Variants in SLC6A2 observed in about 807,000 individuals in gnomAD.
SLC6A2 encodes solute carrier family 6 member 2.
In SLC6A2, 26 loss-of-function variants were observed where a neutral mutation model predicts 71.7. That is an observed-to-expected ratio of 0.36 (90% CI 0.27 to 0.50). The LOEUF (loss-of-function observed/expected upper bound fraction) is 0.50, where lower values mean the gene tolerates loss of function less well. Among genes scored for constraint, SLC6A2 ranks in the 20% least tolerant of loss-of-function variants. The pLI is 0.96. For missense variants in SLC6A2, 581 were observed against 803.9 expected, an observed-to-expected ratio of 0.72 and a Z score of 3.35; for synonymous variants, 363 against 337.9, an observed-to-expected ratio of 1.07 and a Z score of -0.82.
intron 11 of SLC6A2, 48 bp downstream of exon 11, chr16:55,698,616 C>A (rs780931440): frequency 7.5e-7 from 1 of 1,339,452 alleles, no homozygotes; most frequent in South Asian, 1.2e-5. Flanking sequence ...TCCTAGAATC[C>A]TGCACCTGGA....
chr16:55,691,419 A>C (rs890966023), intron 5 of SLC6A2, among the ~76,000 whole-genome samples: 11 of 152,192 alleles, frequency 7.2e-5, no homozygotes, highest in Non-Finnish European at 1.2e-4. Flanking sequence ...TTCATGAACC[A>C]CGCCTTGATC....
intron 5 of SLC6A2, among the ~76,000 whole-genome samples, chr16:55,686,650 AT>A (rs1174366175): frequency 4.6e-5 from 7 of 152,312 alleles, no homozygotes; most frequent in African/African-American, 1.7e-4. Flanking sequence ...GTTCTTGGTC[AT>A]GCCATTGAGA....
At position 55,656,875 on chromosome 16, in the gene SLC6A2, A is replaced by C; in HGVS notation, c.181A>C (p.Lys61Gln). Residue 61 changes from lysine (K) to glutamine (Q), a missense_variant, in exon 2 of 15, where the codon AAG (lysine) becomes CAG (glutamine). Around this residue, in one of 5 missense-constraint regions of SLC6A2, gnomAD observed 81 missense variants for 152.4 expected, o/e 0.53. Coordinates refer to ENST00000568943, the MANE Select transcript of SLC6A2 (RefSeq NM_001172501.3). This position sits in a 1 kb window ranked among gnomAD's most constrained non-coding sequence, Gnocchi z 4.5. ...CGCGCAGCCCCGGGAGACCTGGGGC[A>C]AGAAGATCGACTTCCTGCTGTCCGT... ...GDAQPRETWGKKIDFLLSVVG... is the reference protein window; with the variant it reads ...GDAQPRETWGQKIDFLLSVVG... The C allele has an allele frequency of 6.2e-7, 1 of 1,613,986 alleles. No homozygotes were observed. Among genetic ancestry groups the C allele is most frequent in the Non-Finnish European group, 8.5e-7 (1 of 1,179,936 alleles).
chr16:55,665,026 TG>T (rs1964710805), intron 2 of SLC6A2, among the ~76,000 whole-genome samples: 1 of 151,740 alleles, frequency 6.6e-6, no homozygotes, highest in Non-Finnish European at 1.5e-5. Context: ...CTGCGGGAGG[TG>T]GGGGTGTCTG....
intron 5 of SLC6A2, among the ~76,000 whole-genome samples, chr16:55,687,968 G>T (rs1023734675): frequency 6.6e-6 from 1 of 152,174 alleles, no homozygotes; most frequent in African/African-American, 2.4e-5. Flanking sequence ...CACAATGAGA[G>T]AGGAATATGA....
intron 2 of SLC6A2, 93 bp downstream of exon 2, chr16:55,657,061 G>A: frequency 6.9e-7 from 1 of 1,444,288 alleles, no homozygotes; most frequent in Non-Finnish European, 9.5e-7. Context: ...ACGGAAGGGA[G>A]GCGAGGAGAC....
Position 55,656,319 on chromosome 16 carries a change from T to C in SLC6A2, c.-52+150T>C, listed in dbSNP as rs1278139603. On this transcript the variant is annotated intron_variant, in intron 1 of 14. Transcript: ENST00000568943. The surrounding 1 kb of genome is among the most constrained non-coding windows in gnomAD (Gnocchi z 4.5). ...CTGTTGAAGTGTCGCGGACCTGAGC[T>C]GGGGAGGGGGTCGGCACGCTGCCCT... 5 of 368,592 alleles carry C rather than the reference T, an allele frequency of 1.4e-5. No homozygotes were observed. Among genetic ancestry groups the C allele is most frequent in the South Asian group, 2.4e-5 (1 of 40,968 alleles). The allele number at this position is 368,592 out of a possible 1,614,324, so 22.8% of individuals were successfully genotyped here. A position where few individuals can be genotyped will look rare whatever the true frequency, so the allele number is the denominator to read the frequency against.
At chr16:55,657,104 C>A in intron 2 of SLC6A2, 136 bp downstream of exon 2, 1 of 928,756 alleles carries the variant, frequency 1.1e-6, no homozygotes, top group Non-Finnish European at 1.6e-6. Flanking sequence ...AAGAACTGGA[C>A]AGGGCTAACG....
intron 3 of SLC6A2, 32 bp from the exon 4 acceptor site, chr16:55,671,906 A>G: frequency 6.2e-7 from 1 of 1,613,582 alleles, no homozygotes; most frequent in Middle Eastern, 1.6e-4. Context: ...TGGGCCTGGG[A>G]GACTCCTACC....
At chr16:55,685,355 T>A in intron 5 of SLC6A2, 74 bp downstream of exon 5, 2 of 1,489,122 alleles carry the variant, frequency 1.3e-6, no homozygotes, top group Non-Finnish European at 1.9e-6. Flanking sequence ...CTAGCAATAA[T>A]TATGTAGCTG....
In SLC6A2 at chr16:55,705,374, A is replaced by G. The variant is rs1165876793; in HGVS notation, c.*3028A>G. Reference sequence around the variant, plus strand: ...TGTTTTCTAGCCTCGCTAATGTGAGACTGAAGCATTCTTACCAAAGAAATC... The same window carrying G: ...TGTTTTCTAGCCTCGCTAATGTGAGGCTGAAGCATTCTTACCAAAGAAATC... On this transcript the variant is annotated 3_prime_UTR_variant, in exon 15 of 15. Coordinates refer to ENST00000568943, the MANE Select transcript of SLC6A2 (RefSeq NM_001172501.3). The G allele has an allele frequency of 5.5e-6, 4 of 721,060 alleles. No homozygotes were observed. Among genetic ancestry groups the G allele is most frequent in the Non-Finnish European group, 9.1e-6 (4 of 441,196 alleles). The allele number at this position is 721,060 out of a possible 1,614,324, so 44.7% of individuals were successfully genotyped here.
chr16:55,688,114 AT>A (rs1965512371), intron 5 of SLC6A2, among the ~76,000 whole-genome samples: 1 of 152,238 alleles, frequency 6.6e-6, no homozygotes, highest in Non-Finnish European at 1.5e-5. Context: ...CACTTAGGAC[AT>A]TACTGTGCTC....
chr16:55,658,824 C>T (rs1440904072), intron 2 of SLC6A2, among the ~76,000 whole-genome samples: 6 of 152,152 alleles, frequency 3.9e-5, no homozygotes, highest in African/African-American at 1.4e-4. Flanking sequence ...CTGGGATGGT[C>T]ATGGGCAGAG....
intron 4 of SLC6A2, among the ~76,000 whole-genome samples, chr16:55,683,116 G>T (rs1814269): frequency 6.6e-6 from 1 of 152,036 alleles, no homozygotes; most frequent in Non-Finnish European, 1.5e-5. Context: ...GTGGTCAGGG[G>T]AACCCTTCTC....
chr16:55,660,693 T>C (rs905673170), intron 2 of SLC6A2, among the ~76,000 whole-genome samples: 1 of 152,032 alleles, frequency 6.6e-6, no homozygotes, highest in Admixed American at 6.6e-5. Flanking sequence ...TTCCCAGCCA[T>C]AGGTGAACAT....
rs112570064 is a variant in SLC6A2 at position 55,661,831 on chromosome 16, G to T, written c.274+4863G>T. Among the ~76,000 whole-genome samples the T allele has an allele frequency of 8.5e-3, 1,299 of 152,330 alleles. 24 individuals carry two copies. Among genetic ancestry groups the T allele is most frequent in the African/African-American group, 0.03 (1,239 of 41,584 alleles). On this transcript the variant is annotated intron_variant, in intron 2 of 14. Transcript: ENST00000568943. Reference sequence around the variant, plus strand: ...CAGTGGACTCTCTCCTCTCCCCAAGGAAGCTCAGAGTCTTAGGGACCCCCA... The same window carrying T: ...CAGTGGACTCTCTCCTCTCCCCAAGTAAGCTCAGAGTCTTAGGGACCCCCA...
intron 4 of SLC6A2, among the ~76,000 whole-genome samples, chr16:55,676,164 C>T (rs1389137272): frequency 6.6e-6 from 1 of 152,200 alleles, no homozygotes; most frequent in Non-Finnish European, 1.5e-5. Context: ...TGGAGAGGGT[C>T]TGCAGTTGTC....
At chr16:55,672,887 G>A (rs575953024) in intron 4 of SLC6A2, among the ~76,000 whole-genome samples, 2 of 152,286 alleles carry the variant, frequency 1.3e-5, no homozygotes, top group African/African-American at 2.4e-5. Context: ...TTGAAATACC[G>A]TTATACATTA....
rs750144340 is a variant in SLC6A2 at position 55,700,101 on chromosome 16, C to A, written c.1591-38C>A. On this transcript the variant is annotated intron_variant, in intron 12 of 14. Transcript: ENST00000568943. ...CTTTCCTTTCTTGTCTCTCTTCTGT[C>A]CTGTCTTCCTTTCTCTCCCTTCTCT... The A allele has an allele frequency of 3.8e-6, 6 of 1,583,452 alleles. No individual in the cohort carries two copies. The South Asian group carries it at 5.5e-5, about 15-fold the overall frequency.
Sources: allele counts gnomAD v4.1 joint callset (sites outside exome capture counted in the v4.1 genomes callset), GRCh38; gene constraint gnomAD v4.1.1; regional missense constraint gnomAD v4.1.1; non-coding constraint Gnocchi (gnomAD v3.1); transcripts MANE v1.5; gene names NCBI Gene and HGNC (gene_info 2026-07-23, HGNC 2026-07-21).